The following TNRC6B variants were observed in gnomAD, a reference collection of about 807,000 sequenced individuals.
The protein encoded by TNRC6B is trinucleotide repeat containing adaptor 6B.
TNRC6B carries 52 observed loss-of-function variants against 203.6 expected under a neutral mutation model. The ratio of observed to expected loss-of-function variants is 0.26; its 90% CI spans 0.20 to 0.32. TNRC6B has a LOEUF of 0.32. TNRC6B is among the 10% of genes least tolerant of loss of function. The pLI, the probability that TNRC6B is intolerant of heterozygous loss-of-function variation, is 1.00. For missense variants in TNRC6B, 1,923 were observed against 2,286.2 expected, an observed-to-expected ratio of 0.84 and a Z score of 3.24; for synonymous variants, 838 against 845.7, an observed-to-expected ratio of 0.99 and a Z score of 0.16.
chr22:40,074,781 A>G (rs948621283), intron 1 of TNRC6B, among the ~76,000 whole-genome samples: 5 of 148,010 alleles, frequency 3.4e-5, no homozygotes, highest in African/African-American at 1.3e-4. Flanking sequence ...TCCGTCTCCA[A>G]AAAAAAAATA....
At chr22:40,164,476 A>G (rs886936167) in intron 4 of TNRC6B, among the ~76,000 whole-genome samples, 2 of 143,496 alleles carry the variant, frequency 1.4e-5, no homozygotes, top group African/African-American at 2.6e-5. Flanking sequence ...TTTTAATTTT[A>G]TTTTGACCAG....
intron 11 of TNRC6B, among the ~76,000 whole-genome samples, chr22:40,283,025 ATTTT>A (rs2070737392): frequency 6.7e-6 from 1 of 150,166 alleles, no homozygotes; most frequent in African/African-American, 2.5e-5. Context: ...TTCATTTTTT[ATTTT>A]TTATTTATTT....
intron 1 of TNRC6B, among the ~76,000 whole-genome samples, chr22:40,101,118 G>T (rs12106521): frequency 6.6e-6 from 1 of 151,624 alleles, no homozygotes; most frequent in East Asian, 1.9e-4. Flanking sequence ...TCAACCTCCC[G>T]AGTGGCTGGG....
chr22:40,160,252 G>A (rs1158409610), intron 4 of TNRC6B, among the ~76,000 whole-genome samples: 6 of 152,066 alleles, frequency 3.9e-5, no homozygotes, highest in Non-Finnish European at 8.8e-5. Context: ...TGAGGCAGGC[G>A]GATCACCTGA....
rs184086158 is a variant in TNRC6B, at chr22:40,331,840, G to A, written c.*8599G>A. The A allele has an allele frequency of 5.5e-5, 20 of 362,204 alleles. No homozygotes were observed. In the Admixed American group the frequency reaches 8.0e-4, roughly 15 times the overall value. The allele number at this position is 362,204 out of a possible 1,614,324, so 22.4% of individuals were successfully genotyped here. A position where few individuals can be genotyped will look rare whatever the true frequency, so the allele number is the denominator to read the frequency against. On this transcript the variant is annotated 3_prime_UTR_variant, in exon 23 of 23. Transcript: ENST00000454349. ...GTCCATGGTGTCCCCGTGTCCTGGA[G>A]GGGAAGGGGAGTGAGAGACGAATGT...
rs1275794616 is a variant in TNRC6B at position 40,326,163 on chromosome 22, G to A, written c.*2922G>A. On this transcript the variant is annotated 3_prime_UTR_variant, in exon 23 of 23. Coordinates refer to ENST00000454349, the MANE Select transcript of TNRC6B (RefSeq NM_001162501.2). ...TGTTTTCCTGCTTTAAAATTTGCAA[G>A]CATTCTCAGGAATTCTAGGGTAGGA... 6.6e-6 allele frequency: 1 copy of A among 152,330 alleles called. No individual in the cohort carries two copies. The highest frequency in any genetic ancestry group is 1.5e-5 in the Non-Finnish European group (1 of 67,982). The allele number at this position is 152,330 out of a possible 1,614,324, so 9.4% of individuals were successfully genotyped here.
At chr22:40,320,335 C>G (rs928873906) in intron 21 of TNRC6B, among the ~76,000 whole-genome samples, 21 of 152,080 alleles carry the variant, frequency 1.4e-4, no homozygotes, top group African/African-American at 5.1e-4. Flanking sequence ...CAAAAATTAG[C>G]CGGGAGTTGT....
intron 16 of TNRC6B, among the ~76,000 whole-genome samples, chr22:40,309,337 T>C (rs889122533): frequency 1.3e-5 from 2 of 152,222 alleles, no homozygotes; most frequent in Non-Finnish European, 2.9e-5. Context: ...CAAGTATAAA[T>C]AGGTGTCCGG....
intron 2 of TNRC6B, among the ~76,000 whole-genome samples, chr22:40,117,840 A>C (rs2068404434): frequency 6.6e-6 from 1 of 152,084 alleles, no homozygotes; most frequent in African/African-American, 2.4e-5. Context: ...TACAGTAATA[A>C]ATTATTCAAT....
intron 1 of TNRC6B, among the ~76,000 whole-genome samples, chr22:40,094,043 A>G: frequency 6.6e-6 from 1 of 152,220 alleles, no homozygotes; most frequent in Non-Finnish European, 1.5e-5. Context: ...GTATACCTGT[A>G]TCAAAACATC....
intron 3 of TNRC6B, among the ~76,000 whole-genome samples, chr22:40,147,538 G>T (rs2068706369): frequency 6.6e-6 from 1 of 152,182 alleles, no homozygotes; most frequent in Non-Finnish European, 1.5e-5. Flanking sequence ...CCCAATCCCT[G>T]CTTCTAAGAG....
intron 1 of TNRC6B, among the ~76,000 whole-genome samples, chr22:40,209,065 T>C (rs2069524363): frequency 6.6e-6 from 1 of 152,228 alleles, no homozygotes; most frequent in South Asian, 2.1e-4. Flanking sequence ...ATTATTATTA[T>C]TATTTTTTGG....
intron 4 of TNRC6B, among the ~76,000 whole-genome samples, chr22:40,167,415 G>A (rs1418539476): frequency 6.6e-6 from 1 of 152,128 alleles, no homozygotes; most frequent in Non-Finnish European, 1.5e-5. Context: ...GTGGTTGCCA[G>A]GGGCTGAGGA....
At position 40,194,856 on chromosome 22, in the gene TNRC6B, G is replaced by A. The variant is rs146110762; in HGVS notation, c.5+16716G>A. On this transcript the variant is annotated intron_variant, in intron 1 of 22. Coordinates refer to ENST00000454349, the MANE Select transcript of TNRC6B (RefSeq NM_001162501.2). ...GGCACTGTGGTCCCTAAAAGGAGGC[G>A]AACTGGTGTTTCCTGCTACAGAACA... Among the ~76,000 whole-genome samples, 541 of 152,314 alleles carry A rather than the reference G, an allele frequency of 3.6e-3. 4 individuals carry two copies. The highest frequency in any genetic ancestry group is 6.8e-3 in the Middle Eastern group (2 of 294).
intron 16 of TNRC6B, among the ~76,000 whole-genome samples, chr22:40,310,384 C>T (rs954469912): frequency 6.6e-6 from 1 of 152,196 alleles, no homozygotes; most frequent in Non-Finnish European, 1.5e-5. Flanking sequence ...CCCTTAAGAA[C>T]CTGGGTGGAT....
At chr22:40,297,976 T>G (rs1457115534) in intron 12 of TNRC6B, among the ~76,000 whole-genome samples, 1 of 150,468 alleles carries the variant, frequency 6.6e-6, no homozygotes, top group African/African-American at 2.5e-5. Flanking sequence ...ATACAAAAAA[T>G]TAGCCGGGCA....
At chr22:40,273,690 G>A (rs1457908187) in intron 7 of TNRC6B, 90 bp downstream of exon 7, 1 of 1,391,634 alleles carries the variant, frequency 7.2e-7, no homozygotes, top group Non-Finnish European at 9.5e-7. Context: ...TTTGAGACAA[G>A]TTCTCCCTCT....
At chr22:40,128,765 C>A (rs891440835) in intron 3 of TNRC6B, among the ~76,000 whole-genome samples, 3 of 151,692 alleles carry the variant, frequency 2.0e-5, no homozygotes, top group African/African-American at 7.3e-5. Context: ...TCAAGTGATT[C>A]TCCTGCCGCA....
At chr22:40,142,351 C>T (rs1260057997) in intron 3 of TNRC6B, among the ~76,000 whole-genome samples, 5 of 151,860 alleles carry the variant, frequency 3.3e-5, no homozygotes, top group Non-Finnish European at 5.9e-5. Context: ...CATGAGCCAC[C>T]GTGCACAGCC....
Sources: allele counts gnomAD v4.1 joint callset (sites outside exome capture counted in the v4.1 genomes callset), GRCh38; gene constraint gnomAD v4.1.1; transcripts MANE v1.5; gene names NCBI Gene and HGNC (gene_info 2026-07-23, HGNC 2026-07-21).